The following TEX14 variants were observed in gnomAD, a reference collection of about 807,000 sequenced individuals.
TEX14 encodes the protein inactive serine/threonine-protein kinase TEX14.
Under a neutral mutation model 178.6 loss-of-function variants are expected in TEX14, and 168 were observed. That is an observed-to-expected ratio of 0.94 (90% confidence interval 0.83 to 1.07). The LOEUF is 1.07. Ranked by LOEUF, TEX14 falls within the 50% of genes least tolerant of loss-of-function variation. The pLI, the probability that TEX14 is intolerant of heterozygous loss-of-function variation, is 0.00. For missense variants in TEX14, 1,730 were observed against 1,753.6 expected (o/e 0.99, Z 0.24); for synonymous variants, 626 against 634.1 (o/e 0.99, Z 0.19).
chr17:58,672,038 T>C (rs2047312851), intron 1 of TEX14, among the ~76,000 whole-genome samples: 1 of 152,116 alleles, frequency 6.6e-6, no homozygotes, highest in Non-Finnish European at 1.5e-5. Context: ...TGGGAATGGT[T>C]TCAGGATGAA....
chr17:58,623,287 C>T (rs750989517), intron 3 of TEX14, among the ~76,000 whole-genome samples: 7 of 151,982 alleles, frequency 4.6e-5, no homozygotes, highest in African/African-American at 1.2e-4. Context: ...GGAAACAAAA[C>T]GGCAAAGCTG....
At chr17:58,684,834 G>C (rs1037236604) in intron 1 of TEX14, among the ~76,000 whole-genome samples, 4 of 151,592 alleles carry the variant, frequency 2.6e-5, no homozygotes, top group Non-Finnish European at 5.9e-5. Context: ...AAATTAGCTG[G>C]GCGTGGTGTC....
Position 58,602,476 on chromosome 17 carries a change from G to A in TEX14, c.1451C>T (p.Ser484Leu), listed in dbSNP as rs1211450583. The change falls in exon 12 of 32, where the codon TCA becomes TTA. Residue 484 changes from serine to leucine, a missense_variant. Ser to Leu is a moderately radical substitution (Grantham distance 145, BLOSUM62 -2). Coordinates refer to ENST00000349033, the MANE Select transcript of TEX14 (RefSeq NM_031272.5). ...GTCTTTCTGCTTGACGTGGATGCCT[G>A]ACTTAACAATATCATAGTAAGGTTT... Reference protein sequence around the residue: ...LPKPYYDIVKSGIHVKQKDRT... With the variant: ...LPKPYYDIVKLGIHVKQKDRT... 1.2e-6 allele frequency: 2 copies of A among 1,613,808 alleles called. No homozygotes were observed. The highest frequency in any genetic ancestry group is 1.7e-6 in the Non-Finnish European group (2 of 1,179,982).
chr17:58,570,271 A>G lies in TEX14; in HGVS notation c.3817+114T>C, dbSNP rs1224452495. On this transcript the variant is annotated intron_variant, in intron 25 of 31. Transcript: ENST00000349033. ...ACAATGAGTGTGTTTTACTTTTATA[A>G]TCATGGGGAAAACAGCATTTCTGTC... 8.1e-6 allele frequency: 5 copies of G among 614,786 alleles called. No individual in the cohort carries two copies. In the African/African-American group the frequency reaches 9.5e-5, roughly 12 times the overall value. 38.1% of individuals were successfully genotyped at this position (614,786 alleles called of 1,614,324 possible).
chr17:58,572,826 T>C (rs1318884876), intron 23 of TEX14, among the ~76,000 whole-genome samples: 1 of 152,252 alleles, frequency 6.6e-6, no homozygotes, highest in Admixed American at 6.5e-5. Context: ...TTGCATATGG[T>C]TGCAGGACTT....
chr17:58,640,466 C>T (rs1348509840), intron 2 of TEX14, among the ~76,000 whole-genome samples: 1 of 152,142 alleles, frequency 6.6e-6, no homozygotes, highest in Non-Finnish European at 1.5e-5. Flanking sequence ...AGTTTTGAAA[C>T]AGAGCTGGTA....
At chr17:58,596,924 T>C (rs1388814167) in intron 14 of TEX14, among the ~76,000 whole-genome samples, 1 of 151,952 alleles carries the variant, frequency 6.6e-6, no homozygotes, top group Non-Finnish European at 1.5e-5. Flanking sequence ...CAAAAATAAA[T>C]GCCAATGCTT....
chr17:58,678,818 TATAATAATA>T (rs56142259), intron 1 of TEX14, among the ~76,000 whole-genome samples: 29 of 137,314 alleles, frequency 2.1e-4, no homozygotes, highest in African/African-American at 3.5e-4. Context: ...GAACTTAAAG[TATAATAATA>T]ATAATAATAA....
intron 1 of TEX14, among the ~76,000 whole-genome samples, chr17:58,672,983 C>G (rs557586298): frequency 6.6e-6 from 1 of 151,856 alleles, no homozygotes; most frequent in South Asian, 2.1e-4. Context: ...CTGCTAGCCT[C>G]GAACTCCCAA....
rs114772828 is a variant in TEX14, at chr17:58,602,789, C to T, written c.1337-199G>A. ...CTGTAGAAAAACTACCCAGAGGGGC[C>T]GGGCGTGGTGGCTTACACCTGTAAT... On this transcript the variant is annotated intron_variant, in intron 11 of 31. Transcript: ENST00000349033. Among the ~76,000 whole-genome samples, 1,490 of 152,098 alleles carry T rather than the reference C, an allele frequency of 9.8e-3. 17 individuals carry two copies. Among genetic ancestry groups the T allele is most frequent in the African/African-American group, 0.034 (1,424 of 41,470 alleles).
chr17:58,608,812 G>A (rs1046792651), intron 10 of TEX14, among the ~76,000 whole-genome samples: 10 of 152,226 alleles, frequency 6.6e-5, no homozygotes, highest in African/African-American at 1.9e-4. Flanking sequence ...CTAAATTGGC[G>A]TGTGCCAGGT....
In TEX14 at chr17:58,616,392, G is replaced by A. The variant is rs1373117151; in HGVS notation, c.637-87C>T. 6 of 1,511,876 alleles carry A rather than the reference G, an allele frequency of 4.0e-6. No individual in the cohort carries two copies. The Admixed American group carries it at 1.0e-4, about 26-fold the overall frequency. 93.7% of individuals were successfully genotyped at this position (1,511,876 alleles called of 1,614,324 possible). ...AATCTTATCAGCCAGCTAAAAGAAT[G>A]AGAGCTGCTATTTATCAACTTTCTG... On this transcript the variant is annotated intron_variant, in intron 6 of 31. Transcript: ENST00000349033.
intron 2 of TEX14, among the ~76,000 whole-genome samples, chr17:58,635,759 A>G (rs1000232972): frequency 6.6e-6 from 1 of 151,172 alleles, no homozygotes; most frequent in Admixed American, 6.6e-5. Flanking sequence ...TTTTTGAGAC[A>G]GAGTCTCTGT....
At chr17:58,585,753 T>A (rs1419303782) in intron 18 of TEX14, 48 bp downstream of exon 18, 2 of 1,585,354 alleles carry the variant, frequency 1.3e-6, no homozygotes, top group African/African-American at 2.7e-5. Context: ...CTCGCCCGAC[T>A]GATACTTGAT....
rs1567717194 is a variant in TEX14, at chr17:58,580,590, G to GT, written c.3172-860dup. On this transcript the variant is annotated intron_variant, in intron 19 of 31. Transcript: ENST00000349033. ...CTCCCCAAGTGCTGGGATTACAGGC[G>GT]TGAGCTACCGCGCCTGGCCTGAAAT... Among the ~76,000 whole-genome samples the GT allele has an allele frequency of 3.9e-5, 6 of 152,104 alleles. 1 individual carries two copies. Among genetic ancestry groups the GT allele is most frequent in the Non-Finnish European group, 8.8e-5 (6 of 68,026 alleles).
chr17:58,559,191 G>A lies in TEX14; in HGVS notation c.4267+262C>T, dbSNP rs553385648. ...CTAAAAAAAAAAGAAGCAGCAAAAC[G>A]TCTCCCCAGACAACGTGCAAGATAA... On this transcript the variant is annotated intron_variant, in intron 30 of 31. Transcript: ENST00000349033. 1.8e-4 allele frequency among the ~76,000 whole-genome samples: 28 copies of A among 152,052 alleles called. No individual in the cohort carries two copies. In the South Asian group the frequency reaches 5.6e-3, roughly 30 times the overall value.
chr17:58,679,837 T>C (rs1469872231), intron 1 of TEX14: 1 of 152,150 alleles, frequency 6.6e-6, no homozygotes, highest in East Asian at 1.9e-4. Context: ...GTATTTTTAA[T>C]ATCTGGCTAT....
rs75024569 is a variant in TEX14, at chr17:58,595,507, G to A, written c.2470-1846C>T. Among the ~76,000 whole-genome samples the A allele has an allele frequency of 5.4e-3, 820 of 152,280 alleles. 5 individuals carry two copies. Among genetic ancestry groups the A allele is most frequent in the African/African-American group, 0.018 (761 of 41,556 alleles). Reference sequence around the variant, plus strand: ...AGCAGCGAAAGTGATACAATCCTAGGGTCAGGACTAACTTTTAAGAGGTCT... The same window carrying A: ...AGCAGCGAAAGTGATACAATCCTAGAGTCAGGACTAACTTTTAAGAGGTCT... On this transcript the variant is annotated intron_variant, in intron 14 of 31. Transcript: ENST00000349033.
At chr17:58,683,111 G>A (rs947905060) in intron 1 of TEX14, among the ~76,000 whole-genome samples, 5 of 149,008 alleles carry the variant, frequency 3.4e-5, no homozygotes, top group African/African-American at 4.9e-5. Flanking sequence ...GGTGGCTCAC[G>A]CCTGTAATCC....
Sources: gnomAD v4.1 joint callset for allele counts (sites outside exome capture counted in the v4.1 genomes callset) on GRCh38, gnomAD v4.1.1 for gene constraint, MANE v1.5 for transcripts, NCBI Gene and HGNC (gene_info 2026-07-23, HGNC 2026-07-21) for gene names.